The following MAST4 variants were observed in gnomAD, a reference collection of about 807,000 sequenced individuals.
MAST4 encodes microtubule-associated serine/threonine-protein kinase 4.
MAST4 carries 89 observed loss-of-function variants against 162.7 expected under a neutral mutation model. The observed-to-expected ratio is 0.55, with a 90% CI of 0.46 to 0.65. The LOEUF (loss-of-function observed/expected upper bound fraction) is 0.65. Among genes scored for constraint, MAST4 ranks in the 30% least tolerant of loss-of-function variants. The pLI is 0.00. For synonymous variants in MAST4, 1,479 were observed against 1,361.1 expected (o/e 1.09, Z -1.91); for missense variants, 3,153 against 3,374.0 (o/e 0.93, Z 1.62).
chr5:66,947,525 C>T (rs2150120902), intron 4 of MAST4, among the ~76,000 whole-genome samples: 1 of 152,164 alleles, frequency 6.6e-6, no homozygotes, highest in East Asian at 1.9e-4. Context: ...TTTACTTTGC[C>T]ATCTAGATAT....
chr5:66,881,227 A>C (rs1038944548), intron 3 of MAST4, among the ~76,000 whole-genome samples: 1 of 152,166 alleles, frequency 6.6e-6, no homozygotes, highest in African/African-American at 2.4e-5. Flanking sequence ...CAACATTATA[A>C]TTTATTATCC....
chr5:66,997,579 C>T (rs945248184), intron 4 of MAST4, among the ~76,000 whole-genome samples: 10 of 151,946 alleles, frequency 6.6e-5, no homozygotes, highest in Non-Finnish European at 1.3e-4. Flanking sequence ...TTACAGGCAC[C>T]TGCCACCATG....
intron 5 of MAST4, among the ~76,000 whole-genome samples, chr5:67,082,390 C>T (rs1377186936): frequency 6.6e-6 from 1 of 152,080 alleles, no homozygotes; most frequent in African/African-American, 2.4e-5. Context: ...ACTTTGGCCT[C>T]CCAAAGTGCT....
chr5:66,896,553 C>T (rs1170661743), intron 3 of MAST4, among the ~76,000 whole-genome samples: 1 of 152,188 alleles, frequency 6.6e-6, no homozygotes, highest in African/African-American at 2.4e-5. Flanking sequence ...CTGTAAATGT[C>T]CTCTTTTAAA....
intron 1 of MAST4, among the ~76,000 whole-genome samples, chr5:66,686,118 G>T (rs1025457672): frequency 1.3e-5 from 2 of 152,040 alleles, no homozygotes; most frequent in Non-Finnish European, 2.9e-5. Context: ...CTCTGCTCTA[G>T]AGTCGCACCA....
chr5:66,632,866 C>A (rs1744874990), intron 1 of MAST4, among the ~76,000 whole-genome samples: 1 of 152,012 alleles, frequency 6.6e-6, no homozygotes, highest in South Asian at 2.1e-4. Flanking sequence ...ATAAAACAGA[C>A]ATATAAATAG....
chr5:67,065,535 C>G (rs1436501745), intron 5 of MAST4, among the ~76,000 whole-genome samples: 1 of 152,136 alleles, frequency 6.6e-6, no homozygotes, highest in Non-Finnish European at 1.5e-5. Flanking sequence ...GTGTGAGGAT[C>G]AGCCAGCTGT....
intron 4 of MAST4, among the ~76,000 whole-genome samples, chr5:67,028,536 T>A (rs1208060584): frequency 2.0e-5 from 3 of 152,150 alleles, no homozygotes; most frequent in Non-Finnish European, 1.5e-5. Context: ...ACAAGCAGGC[T>A]GGTGACCGTG....
chr5:66,862,151 A>C (rs952890706), intron 3 of MAST4, among the ~76,000 whole-genome samples: 1 of 152,238 alleles, frequency 6.6e-6, no homozygotes, highest in African/African-American at 2.4e-5. Context: ...AAGTCTAATT[A>C]TCAGAGCCAT....
intron 1 of MAST4, among the ~76,000 whole-genome samples, chr5:66,709,497 T>G (rs1287690061): frequency 6.6e-6 from 1 of 151,184 alleles, no homozygotes; most frequent in African/African-American, 2.4e-5. Flanking sequence ...TTTCATTTTT[T>G]GTAGAGATGG....
intron 5 of MAST4, among the ~76,000 whole-genome samples, chr5:67,075,161 GT>G (rs35184662): frequency 0.072 from 9,238 of 128,110 alleles, 286 homozygotes; most frequent in Non-Finnish European, 0.095. Context: ...ATTGGAATGA[GT>G]TTTTTTTTTT....
chr5:66,937,954 T>C lies in MAST4; in HGVS notation c.674+37972T>C, dbSNP rs142032295. Among the ~76,000 whole-genome samples the C allele has an allele frequency of 1.3e-3, 198 of 152,206 alleles. 2 individuals carry two copies. Among genetic ancestry groups the C allele is most frequent in the Admixed American group, 9.7e-3 (148 of 15,282 alleles). ...TTTATGTTAATAGTTTCTTCTTTTA[T>C]ACCACCTTTTCTTGTTGTCATTGGC... On this transcript the variant is annotated intron_variant, in intron 4 of 28. Coordinates refer to ENST00000403625, the MANE Select transcript of MAST4 (RefSeq NM_001164664.2).
In MAST4 at chr5:66,712,261, T is replaced by C. The variant is rs546810152; in HGVS notation, c.364-47448T>C. Among the ~76,000 whole-genome samples the C allele has an allele frequency of 3.9e-5, 6 of 152,372 alleles. No homozygotes were observed. The East Asian group carries it at 9.6e-4, about 24-fold the overall frequency. ...ATGTAAGTTTAACCTTAGAACATAATGTCAAACAGTTTTCCAAAGTGGTTG... is the reference window on the plus strand; with the variant it reads ...ATGTAAGTTTAACCTTAGAACATAACGTCAAACAGTTTTCCAAAGTGGTTG... On this transcript the variant is annotated intron_variant, in intron 1 of 28. Transcript: ENST00000403625.
intron 1 of MAST4, among the ~76,000 whole-genome samples, chr5:66,716,778 T>C (rs1336862161): frequency 6.6e-6 from 1 of 152,218 alleles, no homozygotes; most frequent in Non-Finnish European, 1.5e-5. Flanking sequence ...ATACATCCCT[T>C]GTTTGTTGTG....
At chr5:66,839,706 A>G (rs889797933) in intron 3 of MAST4, among the ~76,000 whole-genome samples, 2 of 152,176 alleles carry the variant, frequency 1.3e-5, no homozygotes, top group Admixed American at 1.3e-4. Flanking sequence ...TGGAAAAAGC[A>G]ATTTATTTTT....
At chr5:66,902,874 C>T (rs903391564) in intron 4 of MAST4, 1 of 335,188 alleles carries the variant, frequency 3.0e-6, no homozygotes, top group Admixed American at 4.4e-5. Flanking sequence ...GTACTTTCCC[C>T]CTCATTCTCC....
intron 4 of MAST4, among the ~76,000 whole-genome samples, chr5:66,941,415 T>C (rs535185202): frequency 1.8e-4 from 28 of 152,272 alleles, no homozygotes; most frequent in African/African-American, 6.5e-4. Context: ...GGTATGGAGA[T>C]GGCGTCTTTC....
chr5:67,139,771 A>C lies in MAST4; in HGVS notation c.2495-2344A>C, dbSNP rs148402196. ...CGATGCTATCACCCGTATTTTACCA[A>C]AAGTTTAGTCCAGAGGTCATTTTCC... On this transcript the variant is annotated intron_variant, in intron 19 of 28. Transcript: ENST00000403625. Among the ~76,000 whole-genome samples the C allele has an allele frequency of 3.9e-3, 595 of 152,272 alleles. 1 individual carries two copies. The highest frequency in any genetic ancestry group is 0.01 in the Middle Eastern group (3 of 294).
chr5:66,713,207 A>G (rs1384291590), intron 1 of MAST4, among the ~76,000 whole-genome samples: 2 of 152,152 alleles, frequency 1.3e-5, no homozygotes, highest in Non-Finnish European at 2.9e-5. Flanking sequence ...CTTGTACCAT[A>G]TAGAGGTCAA....
Sources: gnomAD v4.1 joint callset for allele counts (sites outside exome capture counted in the v4.1 genomes callset) on GRCh38, gnomAD v4.1.1 for gene constraint, MANE v1.5 for transcripts, NCBI Gene and HGNC (gene_info 2026-07-23, HGNC 2026-07-21) for gene names.